The following NDUFS1 variants were observed in gnomAD, a reference collection of about 807,000 sequenced individuals.
NDUFS1 encodes the protein NADH:ubiquinone oxidoreductase core subunit S1.
NDUFS1 carries 61 observed loss-of-function variants against 84.4 expected under a neutral mutation model. The ratio of observed to expected loss-of-function variants is 0.72; its 90% CI spans 0.59 to 0.89. The LOEUF (loss-of-function observed/expected upper bound fraction) is 0.89, where lower values mean the gene tolerates loss of function less well. Ranked by LOEUF, NDUFS1 falls within the 40% of genes least tolerant of loss-of-function variation. The pLI is 0.00. For synonymous variants in NDUFS1, 275 were observed against 290.0 expected, an observed-to-expected ratio of 0.95 and a Z score of 0.53; for missense variants, 891 against 890.0, an observed-to-expected ratio of 1.00 and a Z score of -0.01.
chr2:206,120,286 C>T lies in NDUFS1; in HGVS notation c.*3899G>A, dbSNP rs1457154420. On this transcript the variant is annotated 3_prime_UTR_variant, in exon 19 of 19. Coordinates refer to ENST00000233190, the MANE Select transcript of NDUFS1 (RefSeq NM_005006.7). ...GATTAGTACTGACAGTGGGGCACTG[C>T]TATACATATTGGAAAATGTAGAAAC... The T allele has an allele frequency of 6.6e-6, 1 of 152,146 alleles. No homozygotes were observed. The highest frequency in any genetic ancestry group is 1.5e-5 in the Non-Finnish European group (1 of 68,044). 9.4% of individuals were successfully genotyped at this position (152,146 alleles called of 1,614,324 possible). A position where few individuals can be genotyped will look rare whatever the true frequency, so the allele number is the denominator to read the frequency against.
In NDUFS1 at chr2:206,128,341, A is replaced by AT. The variant is rs1400229320; in HGVS notation, c.1709-370dup. 2.6e-5 allele frequency among the ~76,000 whole-genome samples: 4 copies of AT among 151,786 alleles called. No individual in the cohort carries two copies. The East Asian group carries it at 7.8e-4, about 30-fold the overall frequency. On this transcript the variant is annotated intron_variant, in intron 15 of 18. Transcript: ENST00000233190. The stretch of plus-strand genomic sequence containing the variant: ...CCACCACACTCAGCTAATTTTTTGT[A>AT]TTTTTAGTAGAGACAGGGTTTCACC...
intron 13 of NDUFS1, among the ~76,000 whole-genome samples, 155 bp from the exon 14 acceptor site, chr2:206,133,260 C>A (rs1691585091): frequency 6.6e-6 from 1 of 152,154 alleles, no homozygotes. Context: ...ACATATACAA[C>A]CAGATTTAGT....
At chr2:206,140,327 T>C (rs1691887520) in intron 12 of NDUFS1, among the ~76,000 whole-genome samples, 1 of 152,056 alleles carries the variant, frequency 6.6e-6, no homozygotes, top group Non-Finnish European at 1.5e-5. Context: ...TTAGCCTGTG[T>C]GGCAGAGCAA....
intron 1 of NDUFS1, among the ~76,000 whole-genome samples, chr2:206,158,660 G>T (rs753108052): frequency 3.9e-5 from 6 of 152,210 alleles, no homozygotes; most frequent in Non-Finnish European, 8.8e-5. Context: ...ATCAAAAACA[G>T]TTAACGTTAC....
Position 206,140,943 on chromosome 2 carries a change from T to TATATATACACACACACACAC in NDUFS1, c.1262+997_1262+998insGTGTGTGTGTGTGTATATAT, listed in dbSNP as rs367723817. Among the ~76,000 whole-genome samples, 475 of 136,092 alleles carry TATATATACACACACACACAC rather than the reference T, an allele frequency of 3.5e-3. 3 individuals carry two copies. Among genetic ancestry groups the TATATATACACACACACACAC allele is most frequent in the South Asian group, 0.02 (84 of 4,296 alleles). 89.3% of individuals were successfully genotyped at this position (136,092 alleles called of 152,430 possible). A position where few individuals can be genotyped will look rare whatever the true frequency, so the allele number is the denominator to read the frequency against. On this transcript the variant is annotated intron_variant, in intron 12 of 18. Transcript: ENST00000233190. ...GTGTGTATATATATATATATATATA[T>TATATATACACACACACACAC]ACACACACACTGAGAATCATAATAC...
intron 15 of NDUFS1, among the ~76,000 whole-genome samples, chr2:206,129,312 G>C (rs1691415316): frequency 6.6e-6 from 1 of 152,002 alleles, no homozygotes; most frequent in African/African-American, 2.4e-5. Context: ...ACCCAGGCTG[G>C]AGTGCAGTGA....
In NDUFS1 at chr2:206,142,161, C is replaced by T. The variant is rs1178080946; in HGVS notation, c.1134-92G>A. The T allele has an allele frequency of 5.4e-6, 6 of 1,103,310 alleles. No individual in the cohort carries two copies. The African/African-American group carries it at 6.4e-5, about 12-fold the overall frequency. The allele number at this position is 1,103,310 out of a possible 1,614,324, so 68.3% of individuals were successfully genotyped here. A position where few individuals can be genotyped will look rare whatever the true frequency, so the allele number is the denominator to read the frequency against. Reference sequence around the variant, plus strand: ...ATTCTCCTATCATCAAACCCATTGCCTTCTCAAACAAAAAATTTTATGAAG... The same window carrying T: ...ATTCTCCTATCATCAAACCCATTGCTTTCTCAAACAAAAAATTTTATGAAG... On this transcript the variant is annotated intron_variant, in intron 11 of 18. Coordinates refer to ENST00000233190, the MANE Select transcript of NDUFS1 (RefSeq NM_005006.7).
At chr2:206,125,552 T>A (rs902689593) in intron 18 of NDUFS1, among the ~76,000 whole-genome samples, 1 of 151,152 alleles carries the variant, frequency 6.6e-6, no homozygotes, top group African/African-American at 2.5e-5. Context: ...ATAATATATA[T>A]GTGTATAATG....
intron 1 of NDUFS1, among the ~76,000 whole-genome samples, chr2:206,158,164 G>A (rs1158221860): frequency 9.2e-5 from 14 of 151,884 alleles, no homozygotes; most frequent in Admixed American, 8.5e-4. Flanking sequence ...GGGTTTCACC[G>A]TGTTAGCCAG....
chr2:206,149,038 T>C lies in NDUFS1; in HGVS notation c.320A>G (p.Glu107Gly), dbSNP rs1215181595. The C allele has an allele frequency of 6.2e-7, 1 of 1,613,116 alleles. No homozygotes were observed. Among genetic ancestry groups the C allele is most frequent in the Non-Finnish European group, 8.5e-7 (1 of 1,179,232 alleles). Residue 107 changes from glutamate to glycine, a missense_variant, in exon 5 of 19, where the codon GAA (glutamate) becomes GGA (glycine). Glu to Gly is a moderately conservative substitution (Grantham distance 98). Transcript: ENST00000233190. ...AAAGTACCTGGCTTTTTTGGATTTTTCTGAGTTTGTTAGGATATTCCAACC... is the reference window on the plus strand; with the variant it reads ...AAAGTACCTGGCTTTTTTGGATTTTCCTGAGTTTGTTAGGATATTCCAACC... ...MKGWNILTNS[E>G]KSKKAREGVM...
chr2:206,149,466 C>T (rs1198145182), intron 4 of NDUFS1, among the ~76,000 whole-genome samples: 2 of 152,164 alleles, frequency 1.3e-5, no homozygotes, highest in Admixed American at 1.3e-4. Context: ...TTCTTCCCTG[C>T]AACCCTTTTC....
chr2:206,126,438 C>T (rs1051054961), intron 18 of NDUFS1, 101 bp downstream of exon 18: 2 of 1,068,364 alleles, frequency 1.9e-6, no homozygotes, highest in African/African-American at 1.6e-5. Context: ...TTAAGAATTG[C>T]AAACACTATC....
chr2:206,133,197 A>T, intron 13 of NDUFS1, 92 bp from the exon 14 acceptor site: 1 of 1,046,618 alleles, frequency 9.6e-7, no homozygotes, highest in Non-Finnish European at 1.4e-6. Flanking sequence ...GGTTGTCCCA[A>T]GTCTTAGGTG....
intron 14 of NDUFS1, among the ~76,000 whole-genome samples, chr2:206,132,647 AT>A (rs1213015391): frequency 2.0e-5 from 3 of 152,222 alleles, no homozygotes; most frequent in African/African-American, 7.2e-5. Flanking sequence ...ATTAGCTTAC[AT>A]TTTTATCATT....
Position 206,138,583 on chromosome 2 carries a change from T to C in NDUFS1, c.1294A>G (p.Ile432Val). The C allele has an allele frequency of 3.7e-6, 6 of 1,614,032 alleles. No individual in the cohort carries two copies. The highest frequency in any genetic ancestry group is 5.1e-6 in the Non-Finnish European group (6 of 1,179,910). ...TAAGTGAGGTCCACTGGACTGCCTATAAGGGCCACTTTTAAGTCATTATGC... is the reference window on the plus strand; with the variant it reads ...TAAGTGAGGTCCACTGGACTGCCTACAAGGGCCACTTTTAAGTCATTATGC... ...WLHNDLKVAL[I>V]GSPVDLTYTY... The change falls in exon 13 of 19, where the codon ATA becomes GTA. Residue 432 changes from isoleucine to valine, a missense_variant. Coordinates refer to ENST00000233190, the MANE Select transcript of NDUFS1 (RefSeq NM_005006.7).
At chr2:206,158,789 G>A (rs80293929) in intron 1 of NDUFS1, among the ~76,000 whole-genome samples, 1 of 152,238 alleles carries the variant, frequency 6.6e-6, no homozygotes, top group Non-Finnish European at 1.5e-5. Context: ...TGCAATCCTG[G>A]GCTAACTTTT....
In NDUFS1 at chr2:206,153,695, CAA is replaced by C. The variant is rs774189221; in HGVS notation, c.-4-15_-4-14del. The C allele has an allele frequency of 3.7e-5, 51 of 1,366,982 alleles. No homozygotes were observed. The highest frequency in any genetic ancestry group is 5.2e-5 in the Non-Finnish European group (50 of 970,380). 84.7% of individuals were successfully genotyped at this position (1,366,982 alleles called of 1,614,324 possible). Reference sequence around the variant, plus strand: ...CCTTAACATATTGCTAAAAATAAAACAAAGAATTATATTATTGTAGGGAAAAA... The same window carrying C: ...CCTTAACATATTGCTAAAAATAAAACAGAATTATATTATTGTAGGGAAAAA... On this transcript the variant is annotated splice_polypyrimidine_tract_variant and intron_variant, in intron 1 of 18. Coordinates refer to ENST00000233190, the MANE Select transcript of NDUFS1 (RefSeq NM_005006.7).
chr2:206,124,157 C>A lies in NDUFS1; in HGVS notation c.*28G>T, dbSNP rs201754251. 1.2e-5 allele frequency: 18 copies of A among 1,457,028 alleles called. 1 individual carries two copies. The Middle Eastern group carries it at 1.4e-3, about 112-fold the overall frequency. 90.3% of individuals were successfully genotyped at this position (1,457,028 alleles called of 1,614,324 possible). A position where few individuals can be genotyped will look rare whatever the true frequency, so the allele number is the denominator to read the frequency against. On this transcript the variant is annotated 3_prime_UTR_variant, in exon 19 of 19. Coordinates refer to ENST00000233190, the MANE Select transcript of NDUFS1 (RefSeq NM_005006.7). Reference sequence around the variant, plus strand: ...ACTACAGTTGTCCATTAATTATCTGCGGCAAAACTGGGATCCTAGTAGAAG... The same window carrying A: ...ACTACAGTTGTCCATTAATTATCTGAGGCAAAACTGGGATCCTAGTAGAAG...
Position 206,152,456 on chromosome 2 carries a change from T to A in NDUFS1, c.116A>T (p.Gln39Leu). The A allele has an allele frequency of 6.2e-7, 1 of 1,614,190 alleles. No homozygotes were observed. Among genetic ancestry groups the A allele is most frequent in the South Asian group, 1.1e-5 (1 of 91,088 alleles). Reference sequence around the variant, plus strand: ...CGTTCCCGGTTCCACCATGACAGACTGACCATCAACAAATACTTCAATCAA... The same window carrying A: ...CGTTCCCGGTTCCACCATGACAGACAGACCATCAACAAATACTTCAATCAA... ...SNLIEVFVDGQSVMVEPGTTV... is the reference protein window; with the variant it reads ...SNLIEVFVDGLSVMVEPGTTV... Residue 39 changes from glutamine to leucine, a missense_variant, in exon 3 of 19, where the codon CAG becomes CTG. Transcript: ENST00000233190.
Sources: allele counts gnomAD v4.1 joint callset (sites outside exome capture counted in the v4.1 genomes callset), GRCh38; gene constraint gnomAD v4.1.1; transcripts MANE v1.5; gene names NCBI Gene and HGNC (gene_info 2026-07-23, HGNC 2026-07-21).